Variants in ITCH observed in about 807,000 individuals in gnomAD.
The protein encoded by ITCH is E3 ubiquitin-protein ligase Itchy homolog.
A neutral mutation model predicts 126.8 loss-of-function variants in ITCH; 28 were observed. The observed-to-expected ratio is 0.22, with a 90% CI of 0.16 to 0.30. ITCH has a LOEUF of 0.30. Among genes scored for constraint, ITCH ranks in the 10% least tolerant of loss-of-function variants. The pLI is 1.00. For synonymous variants in ITCH, 342 were observed against 340.0 expected, an observed-to-expected ratio of 1.01 and a Z score of -0.06; for missense variants, 631 against 1,032.4, an observed-to-expected ratio of 0.61 and a Z score of 5.33.
At chr20:34,485,121 GTAT>G (rs1989016194) in intron 20 of ITCH, among the ~76,000 whole-genome samples, 1 of 152,060 alleles carries the variant, frequency 6.6e-6, no homozygotes, top group Non-Finnish European at 1.5e-5. Flanking sequence ...GTTTATATCA[GTAT>G]TTTATTCCTT....
At chr20:34,503,885 G>T (rs13036351) in intron 23 of ITCH, among the ~76,000 whole-genome samples, 50,846 of 109,202 alleles carry the variant, frequency 0.47, 11,073 homozygotes, top group Non-Finnish European at 0.5. Context: ...TTTTTTTTTG[G>T]TTTTTTTTTT....
chr20:34,363,348 C>T lies in ITCH; in HGVS notation c.-100C>T, dbSNP rs1047002888. 2 of 152,438 alleles carry T rather than the reference C, an allele frequency of 1.3e-5. No homozygotes were observed. The highest frequency in any genetic ancestry group is 4.8e-5 in the African/African-American group (2 of 41,434). 9.4% of individuals were successfully genotyped at this position (152,438 alleles called of 1,614,324 possible). A position where few individuals can be genotyped will look rare whatever the true frequency, so the allele number is the denominator to read the frequency against. ...GAGGAGTCGCCGCCGCCCCGAGTCC[C>T]GGTAAACCCCCGTGGGCGAACTCGG... On this transcript the variant is annotated splice_region_variant and 5_prime_UTR_variant, in exon 1 of 25. Coordinates refer to ENST00000374864, the MANE Select transcript of ITCH (RefSeq NM_031483.7).
chr20:34,427,009 C>T (rs1014769307), intron 7 of ITCH, among the ~76,000 whole-genome samples: 2 of 148,516 alleles, frequency 1.3e-5, no homozygotes, highest in African/African-American at 2.5e-5. Flanking sequence ...CTTCTGACTT[C>T]GTGATCTGCC....
chr20:34,420,556 A>C (rs1980622890), intron 6 of ITCH, among the ~76,000 whole-genome samples: 1 of 152,212 alleles, frequency 6.6e-6, no homozygotes, highest in African/African-American at 2.4e-5. Context: ...TTTGTGTACA[A>C]GGTTCTGTGT....
intron 3 of ITCH, among the ~76,000 whole-genome samples, chr20:34,408,191 T>C (rs1168351588): frequency 7.6e-6 from 1 of 131,886 alleles, no homozygotes; most frequent in East Asian, 2.3e-4. Context: ...TTCTCCTACC[T>C]CAGCCTCCCA....
At position 34,481,046 on chromosome 20, in the gene ITCH, T is replaced by C; in HGVS notation, c.1953-20T>C. On this transcript the variant is annotated intron_variant, in intron 19 of 24. Coordinates refer to ENST00000374864, the MANE Select transcript of ITCH (RefSeq NM_031483.7). ...TTGAATTGGTGGATATAACAAATAG[T>C]GCTAATTTCATTTGTGCAGGGAAAA... 1 of 1,611,724 alleles carries C rather than the reference T, an allele frequency of 6.2e-7. No individual in the cohort carries two copies. The highest frequency in any genetic ancestry group is 8.5e-7 in the Non-Finnish European group (1 of 1,178,062).
intron 3 of ITCH, chr20:34,401,751 T>G: frequency 2.0e-6 from 1 of 489,720 alleles, no homozygotes; most frequent in Non-Finnish European, 2.6e-6. Context: ...ACCTCCCCCC[T>G]AAAAAAGAGG....
chr20:34,378,262 G>T (rs775566023), intron 2 of ITCH, among the ~76,000 whole-genome samples: 1 of 151,994 alleles, frequency 6.6e-6, no homozygotes, highest in Non-Finnish European at 1.5e-5. Flanking sequence ...CCTGAGGTCA[G>T]GAGTTCGAGA....
At chr20:34,463,807 T>C (rs531556581) in intron 14 of ITCH, among the ~76,000 whole-genome samples, 1 of 152,090 alleles carries the variant, frequency 6.6e-6, no homozygotes, top group African/African-American at 2.4e-5. Context: ...TTTTTTTTTC[T>C]TTTGCGATTG....
chr20:34,404,712 C>T (rs1220893808), intron 3 of ITCH, among the ~76,000 whole-genome samples: 2 of 152,044 alleles, frequency 1.3e-5, no homozygotes, highest in Non-Finnish European at 2.9e-5. Context: ...CACGTTCGGC[C>T]GCTTCTCTTT....
At chr20:34,464,340 G>A (rs1464035412) in intron 14 of ITCH, among the ~76,000 whole-genome samples, 6 of 137,842 alleles carry the variant, frequency 4.4e-5, no homozygotes, top group African/African-American at 8.1e-5. Flanking sequence ...TTTTTGAGAC[G>A]GAGCTTCACT....
chr20:34,469,993 G>T (rs1987464348), intron 14 of ITCH, 55 bp from the exon 15 acceptor site: 1 of 1,424,830 alleles, frequency 7.0e-7, no homozygotes, highest in Non-Finnish European at 9.9e-7. Flanking sequence ...CTTTCCTTCA[G>T]CATTATCTTT....
At chr20:34,402,168 CTCT>C (rs2038909865) in intron 3 of ITCH, 10 of 1,316,582 alleles carry the variant, frequency 7.6e-6, no homozygotes, top group Non-Finnish European at 9.8e-6. Flanking sequence ...ACATATGCAG[CTCT>C]TCTTCGGTTC....
At chr20:34,497,941 G>C (rs887861909) in intron 23 of ITCH, among the ~76,000 whole-genome samples, 1 of 152,242 alleles carries the variant, frequency 6.6e-6, no homozygotes, top group African/African-American at 2.4e-5. Context: ...ACGGTTATTA[G>C]TGGAGTATTA....
intron 23 of ITCH, among the ~76,000 whole-genome samples, chr20:34,503,914 T>G: frequency 7.0e-6 from 1 of 142,526 alleles, no homozygotes. Flanking sequence ...TAGGGTCTCG[T>G]TCTGTCACCC....
At chr20:34,423,402 A>G (rs17091778) in intron 6 of ITCH, among the ~76,000 whole-genome samples, 2,976 of 152,266 alleles carry the variant, frequency 0.02, 92 homozygotes, top group African/African-American at 0.059. Context: ...TTAATCCACC[A>G]ATTATGCTTT....
At position 34,492,634 on chromosome 20, in the gene ITCH, T is replaced by C. The variant is rs758885480; in HGVS notation, c.2416+37T>C. 8.4e-6 allele frequency: 11 copies of C among 1,302,832 alleles called. No homozygotes were observed. In the East Asian group the frequency reaches 2.3e-4, roughly 27 times the overall value. 80.7% of individuals were successfully genotyped at this position (1,302,832 alleles called of 1,614,324 possible). A position where few individuals can be genotyped will look rare whatever the true frequency, so the allele number is the denominator to read the frequency against. Reference sequence around the variant, plus strand: ...GGATCACTTTTCCTATACAGAAAATTGTTTATCATGCTGCTTTACGTAAAT... The same window carrying C: ...GGATCACTTTTCCTATACAGAAAATCGTTTATCATGCTGCTTTACGTAAAT... On this transcript the variant is annotated intron_variant, in intron 23 of 24. Coordinates refer to ENST00000374864, the MANE Select transcript of ITCH (RefSeq NM_031483.7).
chr20:34,399,112 G>A (rs2038779932), intron 3 of ITCH, among the ~76,000 whole-genome samples: 1 of 152,188 alleles, frequency 6.6e-6, no homozygotes, highest in African/African-American at 2.4e-5. Context: ...TGAATGTCAG[G>A]CTGGGCGTGG....
intron 2 of ITCH, among the ~76,000 whole-genome samples, chr20:34,371,403 A>G (rs1019057103): frequency 2.1e-5 from 3 of 144,904 alleles, no homozygotes; most frequent in African/African-American, 7.8e-5. Context: ...CAGCCTCCTG[A>G]GTAGCTGGGA....
Sources: allele counts gnomAD v4.1 joint callset (sites outside exome capture counted in the v4.1 genomes callset), GRCh38; gene constraint gnomAD v4.1.1; transcripts MANE v1.5; gene names NCBI Gene and HGNC (gene_info 2026-07-23, HGNC 2026-07-21).